The following MARCHF8 variants were observed in gnomAD, a reference collection of about 807,000 sequenced individuals.
MARCHF8 encodes membrane associated ring-CH-type finger 8.
MARCHF8 carries 40 observed loss-of-function variants against 51.6 expected under a neutral mutation model. The ratio of observed to expected loss-of-function variants is 0.77; its 90% confidence interval spans 0.60 to 1.01. The LOEUF is 1.01. Ranked by LOEUF, MARCHF8 falls within the 50% of genes least tolerant of loss-of-function variation. MARCHF8 has a pLI of 0.00. For missense variants in MARCHF8, 685 were observed against 708.6 expected, an observed-to-expected ratio of 0.97 and a Z score of 0.38; for synonymous variants, 263 against 280.3, an observed-to-expected ratio of 0.94 and a Z score of 0.62.
intron 1 of MARCHF8, among the ~76,000 whole-genome samples, chr10:45,550,037 G>C (rs546545274): frequency 6.6e-6 from 1 of 152,222 alleles, no homozygotes; most frequent in East Asian, 1.9e-4. Context: ...GCAGAGCTGG[G>C]AGCGGGGACA....
intron 2 of MARCHF8, among the ~76,000 whole-genome samples, chr10:45,514,668 C>T (rs906316256): frequency 5.9e-5 from 9 of 152,212 alleles, no homozygotes; most frequent in African/African-American, 1.7e-4. Flanking sequence ...TGCAATGTAA[C>T]GATTCTAAGA....
At chr10:45,586,895 A>G (rs553506048) in intron 1 of MARCHF8, among the ~76,000 whole-genome samples, 2 of 152,158 alleles carry the variant, frequency 1.3e-5, no homozygotes, top group African/African-American at 2.4e-5. Flanking sequence ...ATTTGCTCCC[A>G]GTCTATAGTA....
rs569783657 is a variant in MARCHF8, at chr10:45,584,483, G to T, written c.-79+9752C>A. On this transcript the variant is annotated intron_variant, in intron 1 of 6. Coordinates refer to the MARCHF8 transcript ENST00000319836. The stretch of plus-strand genomic sequence containing the variant: ...ATACCACTTCTCAGCCTAAATATCT[G>T]ACAATATTAAGTGACAATATTAAGG... Among the ~76,000 whole-genome samples, 37 of 152,086 alleles carry T rather than the reference G, an allele frequency of 2.4e-4. No individual in the cohort carries two copies. The East Asian group carries it at 6.6e-3, about 27-fold the overall frequency.
intron 1 of MARCHF8, among the ~76,000 whole-genome samples, chr10:45,572,444 C>T (rs1376397058): frequency 4.6e-5 from 7 of 152,288 alleles, no homozygotes; most frequent in East Asian, 1.9e-4. Flanking sequence ...AACCTAAATG[C>T]CTTATTTTCT....
intron 1 of MARCHF8, among the ~76,000 whole-genome samples, chr10:45,568,884 C>T (rs555230870): frequency 7.6e-4 from 115 of 151,410 alleles, no homozygotes; most frequent in African/African-American, 2.3e-3. Context: ...TTGGCTAACA[C>T]GGTAAAACCC....
chr10:45,504,392 C>T (rs865931635), intron 2 of MARCHF8, among the ~76,000 whole-genome samples: 10 of 152,164 alleles, frequency 6.6e-5, no homozygotes, highest in South Asian at 2.1e-4. Flanking sequence ...TGCGGTGAGC[C>T]GAGATCGCGC....
At chr10:45,514,466 A>G (rs1450181509) in intron 2 of MARCHF8, among the ~76,000 whole-genome samples, 1 of 152,284 alleles carries the variant, frequency 6.6e-6, no homozygotes, top group Non-Finnish European at 1.5e-5. Context: ...AGCTGCCAGC[A>G]GCAGCACATG....
chr10:45,564,311 A>G (rs533462136), intron 1 of MARCHF8, among the ~76,000 whole-genome samples: 2 of 152,266 alleles, frequency 1.3e-5, no homozygotes, highest in South Asian at 4.1e-4. Context: ...AGAACCAAAT[A>G]GAAATTCAAA....
At chr10:45,532,795 C>T (rs941725105) in intron 2 of MARCHF8, among the ~76,000 whole-genome samples, 4 of 152,170 alleles carry the variant, frequency 2.6e-5, no homozygotes, top group Admixed American at 6.5e-5. Flanking sequence ...TTTCACACTA[C>T]GATGAATAGG....
rs531375870 is a variant in MARCHF8 at position 45,541,755 on chromosome 10, A to AG, written c.-78-8467dup. On this transcript the variant is annotated intron_variant, in intron 1 of 6. Transcript: ENST00000319836. ...ATAACCAAATTGGGAGGATGGGAAG[A>AG]GGGAACGTTGGGTAAGAAAAGGAAG... is the stretch of plus-strand genomic sequence containing the variant. Among the ~76,000 whole-genome samples, 20 of 152,324 alleles carry AG rather than the reference A, an allele frequency of 1.3e-4. No homozygotes were observed. The East Asian group carries it at 3.1e-3, about 23-fold the overall frequency.
intron 1 of MARCHF8, among the ~76,000 whole-genome samples, chr10:45,549,361 G>C (rs547094205): frequency 6.6e-6 from 1 of 152,292 alleles, no homozygotes; most frequent in Admixed American, 6.5e-5. Context: ...CCATGGGTTG[G>C]CTGGGCAGCT....
At chr10:45,544,305 G>C (rs2044093949) in intron 1 of MARCHF8, among the ~76,000 whole-genome samples, 1 of 152,184 alleles carries the variant, frequency 6.6e-6, no homozygotes, top group East Asian at 1.9e-4. Flanking sequence ...TTGGAAAATA[G>C]TCTGGCAGTT....
chr10:45,464,335 G>T lies in MARCHF8; in HGVS notation c.154-8C>A. 1 of 1,613,660 alleles carries T rather than the reference G, an allele frequency of 6.2e-7. No individual in the cohort carries two copies. The highest frequency in any genetic ancestry group is 8.5e-7 in the Non-Finnish European group (1 of 1,179,554). On this transcript the variant is annotated splice_region_variant and splice_polypyrimidine_tract_variant and intron_variant, in intron 3 of 7. Coordinates refer to ENST00000453424, the MANE Select transcript of MARCHF8 (RefSeq NM_001282866.2). Reference sequence around the variant, plus strand: ...TGACGGAGGACTCCCAGCCTGCAATGACAGACCTGTGGTCAGTGTTCAGGT... The same window carrying T: ...TGACGGAGGACTCCCAGCCTGCAATTACAGACCTGTGGTCAGTGTTCAGGT...
intron 3 of MARCHF8, among the ~76,000 whole-genome samples, chr10:45,486,424 C>G (rs564426769): frequency 2.6e-5 from 4 of 152,060 alleles, no homozygotes; most frequent in Non-Finnish European, 5.9e-5. Context: ...ATTAGCTGGG[C>G]GTGGTGGCAC....
At chr10:45,483,222 A>C (rs1322277692) in intron 3 of MARCHF8, among the ~76,000 whole-genome samples, 2 of 152,256 alleles carry the variant, frequency 1.3e-5, no homozygotes, top group African/African-American at 4.8e-5. Flanking sequence ...AATGACAGAA[A>C]ACATGTGAAA....
chr10:45,545,609 T>A (rs1000737884), intron 1 of MARCHF8, among the ~76,000 whole-genome samples: 2 of 152,202 alleles, frequency 1.3e-5, no homozygotes, highest in African/African-American at 4.8e-5. Context: ...ATGACAAGTA[T>A]AAGTAGTTAA....
At chr10:45,556,052 A>C (rs2044248772) in intron 1 of MARCHF8, among the ~76,000 whole-genome samples, 1 of 152,248 alleles carries the variant, frequency 6.6e-6, no homozygotes, top group African/African-American at 2.4e-5. Flanking sequence ...GTGAAGAATA[A>C]GTGGTCACTA....
At chr10:45,500,437 T>A (rs918414033) in intron 2 of MARCHF8, among the ~76,000 whole-genome samples, 1 of 152,212 alleles carries the variant, frequency 6.6e-6, no homozygotes, top group Admixed American at 6.5e-5. Context: ...TCTTGCCTAA[T>A]TGCTCAGCTA....
chr10:45,575,118 G>A (rs765830720), intron 1 of MARCHF8, among the ~76,000 whole-genome samples: 32 of 152,114 alleles, frequency 2.1e-4, no homozygotes, highest in Admixed American at 4.6e-4. Context: ...CCATTGCTCA[G>A]GACAACGCTT....
Sources: gnomAD v4.1 joint callset for allele counts (sites outside exome capture counted in the v4.1 genomes callset) on GRCh38, gnomAD v4.1.1 for gene constraint, MANE v1.5 for transcripts, NCBI Gene and HGNC (gene_info 2026-07-23, HGNC 2026-07-21) for gene names.